EPM2A: variants seen among roughly 807,000 people sequenced by gnomAD.
EPM2A encodes the protein EPM2A glucan phosphatase, laforin.
In EPM2A, 21 loss-of-function variants were observed where a neutral mutation model predicts 26.5. The ratio of observed to expected loss-of-function variants is 0.79; its 90% CI spans 0.56 to 1.14. EPM2A has a LOEUF of 1.14. EPM2A is among the 50% of genes most tolerant of loss of function. The pLI, the probability that EPM2A is intolerant of heterozygous loss-of-function variation, is 0.00. For synonymous variants in EPM2A, 217 were observed against 177.6 expected, an observed-to-expected ratio of 1.22 and a Z score of -1.76; for missense variants, 458 against 440.8, an observed-to-expected ratio of 1.04 and a Z score of -0.35.
At chr6:145,430,606 A>G (rs202227834) in intron 4 of EPM2A, among the ~76,000 whole-genome samples, 12,921 of 139,042 alleles carry the variant, frequency 0.093, 648 homozygotes, top group African/African-American at 0.19. Flanking sequence ...ATCTCAAGAA[A>G]AAAAAAAAAG....
intron 4 of EPM2A, among the ~76,000 whole-genome samples, chr6:145,482,907 A>G (rs1050912493): frequency 6.6e-6 from 1 of 151,618 alleles, no homozygotes; most frequent in East Asian, 1.9e-4. Flanking sequence ...TTCAAGGGCA[A>G]GCATGAAAGG....
At chr6:145,735,554 C>T, upstream of EPM2A, 2 of 1,130,304 alleles carry the variant, frequency 1.8e-6, no homozygotes, top group Non-Finnish European at 2.2e-6. Flanking sequence ...CCGGCAGGCG[C>T]GGCCCGAGCA....
At chr6:145,661,618 C>G (rs1438479378) in intron 2 of EPM2A, among the ~76,000 whole-genome samples, 1 of 152,102 alleles carries the variant, frequency 6.6e-6, no homozygotes, top group Non-Finnish European at 1.5e-5. Flanking sequence ...TTTACGTGTT[C>G]TTTTTTCAGT....
At chr6:145,511,160 G>C (rs2114762899) in intron 2 of EPM2A, among the ~76,000 whole-genome samples, 1 of 147,492 alleles carries the variant, frequency 6.8e-6, no homozygotes, top group South Asian at 2.1e-4. Flanking sequence ...GGACCAAATG[G>C]TTTCACAGCT....
chr6:145,665,526 T>C (rs1779110251), intron 2 of EPM2A, among the ~76,000 whole-genome samples: 1 of 131,878 alleles, frequency 7.6e-6, no homozygotes, highest in South Asian at 2.4e-4. Context: ...TAATCAATAG[T>C]TTACCAACCA....
intron 4 of EPM2A, among the ~76,000 whole-genome samples, chr6:145,419,508 A>AT (rs1778754673): frequency 6.6e-6 from 1 of 152,240 alleles, no homozygotes; most frequent in African/African-American, 2.4e-5. Context: ...GAATTGCCTT[A>AT]AATATAATGA....
chr6:145,481,188 T>C (rs758895479), intron 4 of EPM2A, among the ~76,000 whole-genome samples: 3 of 152,164 alleles, frequency 2.0e-5, no homozygotes, highest in Admixed American at 1.3e-4. Flanking sequence ...TGATTGCTTT[T>C]TGTTCACTAA....
At chr6:145,718,008 A>G (rs1043576456) in intron 1 of EPM2A, among the ~76,000 whole-genome samples, 4 of 151,412 alleles carry the variant, frequency 2.6e-5, no homozygotes, top group African/African-American at 9.7e-5. Flanking sequence ...GCTCATGGGT[A>G]GGAAGAATCA....
rs777080802 is a variant in EPM2A, at chr6:145,627,016, C to G, written c.*400G>C. The G allele has an allele frequency of 2.9e-5, 32 of 1,114,172 alleles. No individual in the cohort carries two copies. The highest frequency in any genetic ancestry group is 3.3e-5 in the Non-Finnish European group (30 of 906,966). 69.0% of individuals were successfully genotyped at this position (1,114,172 alleles called of 1,614,324 possible). On this transcript the variant is annotated 3_prime_UTR_variant, in exon 4 of 4. Coordinates refer to ENST00000367519, the MANE Select transcript of EPM2A (RefSeq NM_005670.4). ...ACGCACACATACTAGTGATGAAATC[C>G]ACATAACTCCATATCTTTTCCTCTA...
chr6:145,457,793 T>C (rs1298396377), intron 4 of EPM2A, among the ~76,000 whole-genome samples: 1 of 152,202 alleles, frequency 6.6e-6, no homozygotes, highest in Admixed American at 6.5e-5. Context: ...ATAAATGTTA[T>C]GAAAATATGT....
chr6:145,647,653 T>C (rs1777578518), intron 2 of EPM2A, among the ~76,000 whole-genome samples: 1 of 146,732 alleles, frequency 6.8e-6, no homozygotes, highest in Non-Finnish European at 1.5e-5. Context: ...CATATAGTTA[T>C]AAGCAAATAC....
chr6:145,604,774 G>C (rs1483595822), intron 2 of EPM2A, among the ~76,000 whole-genome samples: 2 of 152,154 alleles, frequency 1.3e-5, no homozygotes, highest in Admixed American at 1.3e-4. Context: ...TCTGAGGGGA[G>C]AATGGGTAAA....
At chr6:145,446,524 A>G (rs547236619) in intron 4 of EPM2A, among the ~76,000 whole-genome samples, 2 of 152,342 alleles carry the variant, frequency 1.3e-5, no homozygotes, top group South Asian at 4.1e-4. Flanking sequence ...TCTTCCAAAA[A>G]GTATTTAATG....
chr6:145,519,536 AT>A (rs1780176178), intron 2 of EPM2A, among the ~76,000 whole-genome samples: 3 of 152,222 alleles, frequency 2.0e-5, no homozygotes, highest in Admixed American at 2.0e-4. Context: ...TTTAAATTGC[AT>A]TTTTAAATTA....
intron 4 of EPM2A, among the ~76,000 whole-genome samples, chr6:145,454,376 C>T (rs1779234256): frequency 6.6e-6 from 1 of 152,168 alleles, no homozygotes; most frequent in Non-Finnish European, 1.5e-5. Flanking sequence ...AGCCCCAAAG[C>T]TGGTTTTTAT....
intron 2 of EPM2A, among the ~76,000 whole-genome samples, chr6:145,685,264 T>C (rs1186277425): frequency 6.6e-6 from 1 of 151,956 alleles, no homozygotes; most frequent in Non-Finnish European, 1.5e-5. Context: ...TGGAAAAAAA[T>C]ACAGGAACAA....
chr6:145,478,488 G>T (rs947371787), intron 4 of EPM2A, among the ~76,000 whole-genome samples: 1 of 151,736 alleles, frequency 6.6e-6, no homozygotes, highest in Non-Finnish European at 1.5e-5. Flanking sequence ...TAAGCAAAAA[G>T]AACAACATTG....
chr6:145,412,379 A>G (rs1778656083), intron 4 of EPM2A, among the ~76,000 whole-genome samples: 1 of 152,186 alleles, frequency 6.6e-6, no homozygotes, highest in Admixed American at 6.5e-5. Context: ...TATCACAAGT[A>G]TCTTTAATCT....
chr6:145,487,270 T>G (rs149673035), intron 4 of EPM2A, among the ~76,000 whole-genome samples: 1 of 152,198 alleles, frequency 6.6e-6, no homozygotes, highest in Non-Finnish European at 1.5e-5. Context: ...ATTCCCTATC[T>G]TTGTTGTTGT....
Sources: gnomAD v4.1 joint callset for allele counts (sites outside exome capture counted in the v4.1 genomes callset) on GRCh38, gnomAD v4.1.1 for gene constraint, MANE v1.5 for transcripts, NCBI Gene and HGNC (gene_info 2026-07-23, HGNC 2026-07-21) for gene names.